JPH2: variants seen among roughly 807,000 people sequenced by gnomAD.
JPH2 encodes the protein junctophilin 2.
JPH2 carries 38 observed loss-of-function variants against 55.9 expected under a neutral mutation model. The observed-to-expected ratio is 0.68, with a 90% CI of 0.52 to 0.89. The LOEUF (loss-of-function observed/expected upper bound fraction) is 0.89, where lower values mean the gene tolerates loss of function less well. JPH2 is among the 40% of genes least tolerant of loss of function. The probability of loss-of-function intolerance (pLI) is 0.00; values close to 1 mark genes in which losing one functional copy is unlikely to be tolerated. For synonymous variants in JPH2, 480 were observed against 472.4 expected (o/e 1.02, Z -0.21); for missense variants, 964 against 1,037.6 (o/e 0.93, Z 0.97).
At chr20:44,166,714 C>T (rs2072658363) in intron 1 of JPH2, among the ~76,000 whole-genome samples, 1 of 152,166 alleles carries the variant, frequency 6.6e-6, no homozygotes, top group African/African-American at 2.4e-5. Flanking sequence ...CAACTCCCTC[C>T]AAGACAGGAC....
At chr20:44,155,910 C>T (rs2072562568) in intron 2 of JPH2, among the ~76,000 whole-genome samples, 1 of 152,074 alleles carries the variant, frequency 6.6e-6, no homozygotes, top group Non-Finnish European at 1.5e-5. Flanking sequence ...GTGGCGCACA[C>T]CTGTGGTCCC....
At chr20:44,120,242 T>A (rs752529299) in intron 2 of JPH2, among the ~76,000 whole-genome samples, 8 of 152,102 alleles carry the variant, frequency 5.3e-5, no homozygotes, top group Non-Finnish European at 1.2e-4. Context: ...GGACTCCAAG[T>A]TAAGAAATGT....
chr20:44,184,167 C>T (rs2072811694), intron 1 of JPH2, among the ~76,000 whole-genome samples: 1 of 152,028 alleles, frequency 6.6e-6, no homozygotes, highest in Admixed American at 6.6e-5. Flanking sequence ...AAAAAACAAA[C>T]AAACAAAAGA....
intron 1 of JPH2, among the ~76,000 whole-genome samples, chr20:44,181,242 A>G (rs7266165): frequency 0.023 from 3,510 of 152,264 alleles, 146 homozygotes; most frequent in African/African-American, 0.08. Context: ...TCACCTTAGA[A>G]CAATGAGTGT....
chr20:44,133,440 T>C (rs533383792), intron 2 of JPH2, among the ~76,000 whole-genome samples: 7 of 152,240 alleles, frequency 4.6e-5, no homozygotes, highest in African/African-American at 1.2e-4. Flanking sequence ...GTCCACTGAA[T>C]AGGGAAACTA....
intron 2 of JPH2, among the ~76,000 whole-genome samples, chr20:44,132,399 C>CACACAG (rs71195518): frequency 0.037 from 4,800 of 130,382 alleles, 227 homozygotes; most frequent in African/African-American, 0.073. Context: ...CACACACACA[C>CACACAG]ACATTTGGGC....
At chr20:44,119,611 C>T (rs6031400) in intron 2 of JPH2, among the ~76,000 whole-genome samples, 22,081 of 152,168 alleles carry the variant, frequency 0.15, 1,907 homozygotes, top group Admixed American at 0.27. Context: ...CGGTGGCTCA[C>T]GCCTGTAATC....
chr20:44,149,117 G>T (rs190822506), intron 2 of JPH2, among the ~76,000 whole-genome samples: 2 of 148,974 alleles, frequency 1.3e-5, no homozygotes, highest in East Asian at 4.0e-4. Flanking sequence ...AAGAACACAA[G>T]AAGGACAATT....
intron 1 of JPH2, among the ~76,000 whole-genome samples, chr20:44,180,293 A>G (rs2072769166): frequency 6.6e-6 from 1 of 152,318 alleles, no homozygotes; most frequent in South Asian, 2.1e-4. Context: ...GGACTTAGTA[A>G]GCACTCCAAA....
At position 44,111,032 on chromosome 20, in the gene JPH2, C is replaced by A. The variant is rs2072139097; in HGVS notation, c.*2486G>T. 6.6e-6 allele frequency among the ~76,000 whole-genome samples: 1 copy of A among 152,216 alleles called. No homozygotes were observed. Among genetic ancestry groups the A allele is most frequent in the Admixed American group, 6.5e-5 (1 of 15,280 alleles). Reference sequence around the variant, plus strand: ...AGTAACTTCATGGGCAGTACTTATTCCTAAAAAGTCAAGAGAACTGCTTTC... The same window carrying A: ...AGTAACTTCATGGGCAGTACTTATTACTAAAAAGTCAAGAGAACTGCTTTC... On this transcript the variant is annotated 3_prime_UTR_variant, in exon 6 of 6. Transcript: ENST00000372980.
intron 2 of JPH2, among the ~76,000 whole-genome samples, chr20:44,138,666 G>A (rs1240747617): frequency 1.3e-5 from 2 of 152,164 alleles, no homozygotes; most frequent in African/African-American, 2.4e-5. Flanking sequence ...TTACAGGCAT[G>A]AGCCACTGCA....
At chr20:44,122,031 GC>G (rs1291679380) in intron 2 of JPH2, among the ~76,000 whole-genome samples, 1 of 152,100 alleles carries the variant, frequency 6.6e-6, no homozygotes, top group East Asian at 1.9e-4. Flanking sequence ...AGCTTACATA[GC>G]TAGTAAGTAC....
At chr20:44,126,745 CCA>C (rs2072279902) in intron 2 of JPH2, among the ~76,000 whole-genome samples, 1 of 152,186 alleles carries the variant, frequency 6.6e-6, no homozygotes, top group Non-Finnish European at 1.5e-5. Context: ...TATGTGGAGC[CCA>C]GAACTGGGTG....
intron 1 of JPH2, among the ~76,000 whole-genome samples, chr20:44,175,271 C>T: frequency 6.6e-6 from 1 of 152,190 alleles, no homozygotes; most frequent in African/African-American, 2.4e-5. Flanking sequence ...AAATATTTGC[C>T]AAATGGCTTT....
chr20:44,149,832 G>C (rs2072518647), intron 2 of JPH2, among the ~76,000 whole-genome samples: 1 of 152,104 alleles, frequency 6.6e-6, no homozygotes, highest in Non-Finnish European at 1.5e-5. Flanking sequence ...ACAAAAATTA[G>C]CTAGGAGTGG....
chr20:44,160,211 C>T lies in JPH2; in HGVS notation c.576G>A (p.Ser192=), dbSNP rs1397018944. 1.1e-5 allele frequency: 15 copies of T among 1,423,378 alleles called. No homozygotes were observed. In the African/African-American group the frequency reaches 1.5e-4, roughly 14 times the overall value. The allele number at this position is 1,423,378 out of a possible 1,614,324, so 88.2% of individuals were successfully genotyped here. A position where few individuals can be genotyped will look rare whatever the true frequency, so the allele number is the denominator to read the frequency against. The change falls in exon 2 of 6, where the codon TCG becomes TCA. Residue 192 remains serine (S), a synonymous_variant. Transcript: ENST00000372980. The surrounding 1 kb of genome is among the most constrained non-coding windows in gnomAD (Gnocchi z 4.9). The part of the protein sequence containing the change: ...SPASDGPALP[S]PAIPRGGFAL... Reference sequence around the variant, plus strand: ...CGAAGCCGCCACGCGGGATGGCGGGCGAGGGCAGCGCGGGGCCGTCGGAGG... The same window carrying T: ...CGAAGCCGCCACGCGGGATGGCGGGTGAGGGCAGCGCGGGGCCGTCGGAGG...
chr20:44,156,495 C>CT (rs2072567592), intron 2 of JPH2, among the ~76,000 whole-genome samples: 1 of 152,118 alleles, frequency 6.6e-6, no homozygotes, highest in African/African-American at 2.4e-5. Context: ...AACAGAATAC[C>CT]TGGGACCGGG....
At chr20:44,140,920 A>G (rs2072451966) in intron 2 of JPH2, among the ~76,000 whole-genome samples, 1 of 152,176 alleles carries the variant, frequency 6.6e-6, no homozygotes, top group Non-Finnish European at 1.5e-5. Context: ...GAGGCTCAGG[A>G]AAGTGACATG....
intron 1 of JPH2, among the ~76,000 whole-genome samples, chr20:44,186,051 G>T (rs1166099397): frequency 6.6e-6 from 1 of 152,182 alleles, no homozygotes; most frequent in Non-Finnish European, 1.5e-5. Context: ...AATGGTAGTA[G>T]TTATATTTTA....
Sources: allele counts gnomAD v4.1 joint callset (sites outside exome capture counted in the v4.1 genomes callset), GRCh38; gene constraint gnomAD v4.1.1; non-coding constraint Gnocchi (gnomAD v3.1); transcripts MANE v1.5; gene names NCBI Gene and HGNC (gene_info 2026-07-23, HGNC 2026-07-21).